The following ADAM9 variants were observed in gnomAD, a reference collection of about 807,000 sequenced individuals.
ADAM9 encodes disintegrin and metalloproteinase domain-containing protein 9.
Under a neutral mutation model 108.1 loss-of-function variants are expected in ADAM9, and 54 were observed. That is an observed-to-expected ratio of 0.50 (90% CI 0.40 to 0.63). ADAM9 has a LOEUF of 0.63. Ranked by LOEUF, ADAM9 falls within the 20% of genes least tolerant of loss-of-function variation. The probability of loss-of-function intolerance (pLI) is 0.00; values close to 1 mark genes in which losing one functional copy is unlikely to be tolerated. For missense variants in ADAM9, 830 were observed against 997.7 expected (o/e 0.83, Z 2.26); for synonymous variants, 316 against 336.0 (o/e 0.94, Z 0.65).
chr8:39,036,563 A>G (rs1837282011), intron 11 of ADAM9, among the ~76,000 whole-genome samples: 6 of 152,200 alleles, frequency 3.9e-5, no homozygotes, highest in Admixed American at 2.6e-4. Flanking sequence ...AGATGTGAGA[A>G]AAGAGAGGAG....
At chr8:39,096,087 AATTATGGATAC>A (rs1839492347) in intron 20 of ADAM9, among the ~76,000 whole-genome samples, 1 of 151,218 alleles carries the variant, frequency 6.6e-6, no homozygotes, top group South Asian at 2.1e-4. Flanking sequence ...TAAAAAAATC[AATTATGGATAC>A]ATAATAGTTG....
chr8:39,099,545 A>T (rs1019149711), intron 20 of ADAM9, among the ~76,000 whole-genome samples: 1 of 152,210 alleles, frequency 6.6e-6, no homozygotes, highest in African/African-American at 2.4e-5. Context: ...CAGAAATTTA[A>T]AAACAGGTTG....
rs1564365670 is a variant in ADAM9, at chr8:39,082,666, A to G, written c.1907A>G (p.Asp636Gly). ...ATCTGTAGAAACTTCCAGTGTGTAG[A>G]TGCTTCTGTTCTGAATTATGACTGT... is the stretch of plus-strand genomic sequence containing the variant. ...GKICRNFQCV[D>G]ASVLNYDCDV... The change falls in exon 17 of 22, where the codon GAT (aspartate) becomes GGT (glycine). Residue 636 changes from aspartate (D) to glycine (G), a missense_variant. Physicochemically the swap from Asp to Gly is moderately conservative, Grantham distance 94. Coordinates refer to ENST00000487273, the MANE Select transcript of ADAM9 (RefSeq NM_003816.3). The G allele has an allele frequency of 6.2e-7, 1 of 1,611,704 alleles. No homozygotes were observed. Among genetic ancestry groups the G allele is most frequent in the Non-Finnish European group, 8.5e-7 (1 of 1,179,070 alleles).
At chr8:39,098,056 T>A (rs996696065) in intron 20 of ADAM9, among the ~76,000 whole-genome samples, 5 of 152,216 alleles carry the variant, frequency 3.3e-5, no homozygotes, top group African/African-American at 1.2e-4. Context: ...AGCGAAGGTA[T>A]TTTGGTAGTA....
At chr8:39,058,420 C>A (rs2129439301) in intron 14 of ADAM9, among the ~76,000 whole-genome samples, 1 of 152,282 alleles carries the variant, frequency 6.6e-6, no homozygotes, top group South Asian at 2.1e-4. Context: ...AACTGTCGTT[C>A]TTGAAGGGTC....
At chr8:39,014,120 C>G (rs1275477686) in intron 4 of ADAM9, 77 bp downstream of exon 4, 1 of 1,197,930 alleles carries the variant, frequency 8.3e-7, no homozygotes, top group Admixed American at 1.7e-5. Context: ...TATAGGCACT[C>G]AGGACTGTTA....
At chr8:39,021,337 A>C (rs1836731834) in intron 7 of ADAM9, among the ~76,000 whole-genome samples, 1 of 152,018 alleles carries the variant, frequency 6.6e-6, no homozygotes, top group African/African-American at 2.4e-5. Flanking sequence ...GACTGGAGTG[A>C]AATGGCGGGA....
rs528226287 is a variant in ADAM9 at position 39,031,518 on chromosome 8, C to T, written c.1130+4708C>T. On this transcript the variant is annotated intron_variant, in intron 11 of 21. Coordinates refer to ENST00000487273, the MANE Select transcript of ADAM9 (RefSeq NM_003816.3). Reference sequence around the variant, plus strand: ...TCCATCAGGCCATTTAAGGTCCTTTCTACCCTGTTTATTCTAGTTAGCCAT... The same window carrying T: ...TCCATCAGGCCATTTAAGGTCCTTTTTACCCTGTTTATTCTAGTTAGCCAT... Among the ~76,000 whole-genome samples the T allele has an allele frequency of 3.3e-5, 5 of 152,304 alleles. No homozygotes were observed. The South Asian group carries it at 1.0e-3, about 32-fold the overall frequency.
At chr8:39,066,903 T>A (rs1838497150) in intron 14 of ADAM9, among the ~76,000 whole-genome samples, 2 of 152,260 alleles carry the variant, frequency 1.3e-5, no homozygotes, top group South Asian at 4.1e-4. Context: ...TTTCAGTCTT[T>A]AATCCATCTT....
chr8:39,010,384 C>T (rs552896634), intron 2 of ADAM9, among the ~76,000 whole-genome samples: 1 of 152,190 alleles, frequency 6.6e-6, no homozygotes, highest in African/African-American at 2.4e-5. Context: ...TCTTGGATTC[C>T]CATGCAGGAT....
At chr8:39,009,893 GA>G (rs1466854554) in intron 2 of ADAM9, among the ~76,000 whole-genome samples, 10 of 39,936 alleles carry the variant, frequency 2.5e-4, no homozygotes, top group African/African-American at 1.0e-3. Flanking sequence ...GCATTCTAGT[GA>G]TGGGGGGGGG....
At chr8:39,102,960 T>A (rs778496970) in intron 21 of ADAM9, among the ~76,000 whole-genome samples, 10 of 152,236 alleles carry the variant, frequency 6.6e-5, no homozygotes, top group Non-Finnish European at 1.2e-4. Context: ...CTCTGAGGAC[T>A]ATCTTCATAT....
intron 4 of ADAM9, chr8:39,015,797 T>C (rs1268070354): frequency 1.3e-5 from 3 of 233,320 alleles, no homozygotes; most frequent in Admixed American, 5.2e-5. Flanking sequence ...GGTTGTTGGA[T>C]TGACTGTGAT....
chr8:39,100,854 C>T (rs1004161449), intron 20 of ADAM9, among the ~76,000 whole-genome samples: 4 of 152,180 alleles, frequency 2.6e-5, no homozygotes, highest in Non-Finnish European at 4.4e-5. Flanking sequence ...CTGATCATTC[C>T]TAACGTCTTA....
At chr8:39,040,212 G>C (rs1046173778) in intron 11 of ADAM9, among the ~76,000 whole-genome samples, 2 of 152,102 alleles carry the variant, frequency 1.3e-5, no homozygotes, top group Non-Finnish European at 2.9e-5. Context: ...ACCACACCTG[G>C]CTAATTTTTG....
At chr8:39,045,415 T>TGCGTGTACACACACCTATATGTGCGTGC (rs1837707426) in intron 12 of ADAM9, among the ~76,000 whole-genome samples, 1 of 135,266 alleles carries the variant, frequency 7.4e-6, no homozygotes, top group East Asian at 2.3e-4. Context: ...TATGTGCGCG[T>TGCGTGTACACACACCTATATGTGCGTGC]GTGTACACAC....
rs397808791 is a variant in ADAM9, at chr8:39,080,948, G to GTTT, written c.1882-1675_1882-1673dup. Among the ~76,000 whole-genome samples, 43 of 108,728 alleles carry GTTT rather than the reference G, an allele frequency of 4.0e-4. 1 individual carries two copies. The highest frequency in any genetic ancestry group is 5.6e-4 in the East Asian group (2 of 3,548). 71.3% of individuals were successfully genotyped at this position (108,728 alleles called of 152,430 possible). ...ATGGTCTTACCTTCCCACTGTGAGA[G>GTTT]TTTTTTTTTTTTTTTTTTTTGAGGC... On this transcript the variant is annotated intron_variant, in intron 16 of 21. Coordinates refer to ENST00000487273, the MANE Select transcript of ADAM9 (RefSeq NM_003816.3).
Position 39,104,724 on chromosome 8 carries a change from AGAAG to A in ADAM9, c.*1029_*1032del. 4.4e-6 allele frequency: 2 copies of A among 453,924 alleles called. No individual in the cohort carries two copies. The highest frequency in any genetic ancestry group is 1.6e-5 in the South Asian group (1 of 64,438). The allele number at this position is 453,924 out of a possible 1,614,324, so 28.1% of individuals were successfully genotyped here. A position where few individuals can be genotyped will look rare whatever the true frequency, so the allele number is the denominator to read the frequency against. ...TTTTCATAGAAATTAGGCTGGAGAA[AGAAG>A]GAAGAAATGGTTTTCTTAAATACCT... On this transcript the variant is annotated 3_prime_UTR_variant, in exon 22 of 22. Transcript: ENST00000487273.
chr8:39,102,063 C>A, intron 21 of ADAM9, 133 bp downstream of exon 21: 1 of 798,852 alleles, frequency 1.3e-6, no homozygotes, highest in Non-Finnish European at 2.1e-6. Context: ...ATATGATTTG[C>A]AGAAAGGTTT....
Sources: gnomAD v4.1 joint callset for allele counts (sites outside exome capture counted in the v4.1 genomes callset) on GRCh38, gnomAD v4.1.1 for gene constraint, MANE v1.5 for transcripts, NCBI Gene and HGNC (gene_info 2026-07-23, HGNC 2026-07-21) for gene names.